Variants in RNF150 observed in about 807,000 individuals in gnomAD.
RNF150 encodes the protein ring finger protein 150.
In RNF150, 24 loss-of-function variants were observed where a neutral mutation model predicts 39.3. The ratio of observed to expected loss-of-function variants is 0.61; its 90% CI spans 0.44 to 0.86. The LOEUF (loss-of-function observed/expected upper bound fraction) is 0.86, where lower values mean the gene tolerates loss of function less well. Among genes scored for constraint, RNF150 ranks in the 40% least tolerant of loss-of-function variants. RNF150 has a pLI of 0.00. For missense variants in RNF150, 502 were observed against 587.8 expected, an observed-to-expected ratio of 0.85 and a Z score of 1.51; for synonymous variants, 255 against 227.3, an observed-to-expected ratio of 1.12 and a Z score of -1.10.
rs114868060 is a variant in RNF150, at chr4:140,938,565, C to T, written c.890+9089G>A. On this transcript the variant is annotated intron_variant, in intron 4 of 6. Coordinates refer to ENST00000515673, the MANE Select transcript of RNF150 (RefSeq NM_020724.2). ...TCTGTGGGACCTAACGAACAAACAA[C>T]CTTCCAAGGCCTGGCAGACTCAAGA... Among the ~76,000 whole-genome samples, 607 of 152,234 alleles carry T rather than the reference C, an allele frequency of 4.0e-3. 2 individuals carry two copies. The highest frequency in any genetic ancestry group is 0.014 in the African/African-American group (583 of 41,542).
At chr4:140,920,499 A>G (rs1240884484) in intron 5 of RNF150, among the ~76,000 whole-genome samples, 1 of 117,584 alleles carries the variant, frequency 8.5e-6, no homozygotes, top group African/African-American at 3.0e-5. Context: ...ACCATCTCAC[A>G]CCAGTTAGAA....
chr4:140,911,380 C>G lies in RNF150; in HGVS notation c.988-26G>C, dbSNP rs530792296. The G allele has an allele frequency of 6.3e-6, 10 of 1,593,286 alleles. No individual in the cohort carries two copies. The Admixed American group carries it at 1.7e-4, about 27-fold the overall frequency. On this transcript the variant is annotated intron_variant, in intron 5 of 6. Transcript: ENST00000515673. ...CTGATGGGGCAGAAAAAGATCTGTT[C>G]TCAGTACATGTCATCCACTTAGAGA...
intron 1 of RNF150, among the ~76,000 whole-genome samples, chr4:141,128,687 G>C (rs998414187): frequency 5.9e-5 from 9 of 151,900 alleles, no homozygotes; most frequent in African/African-American, 2.2e-4. Flanking sequence ...CCCTTAATAG[G>C]GGACATATAA....
At chr4:141,091,092 T>C (rs1019309572) in intron 1 of RNF150, among the ~76,000 whole-genome samples, 1 of 152,154 alleles carries the variant, frequency 6.6e-6, no homozygotes, top group Admixed American at 6.5e-5. Context: ...TAAAGGCGAT[T>C]GAGGTCTAGT....
At chr4:141,020,273 C>T (rs193281735) in intron 1 of RNF150, among the ~76,000 whole-genome samples, 1 of 152,176 alleles carries the variant, frequency 6.6e-6, no homozygotes, top group Admixed American at 6.6e-5. Context: ...TTCCTCTTCC[C>T]CAATAAGAGT....
At chr4:140,873,862 G>C (rs1305151043) in intron 6 of RNF150, among the ~76,000 whole-genome samples, 2 of 152,038 alleles carry the variant, frequency 1.3e-5, no homozygotes, top group African/African-American at 2.4e-5. Context: ...TTTTTGTAGA[G>C]ACAGGGTTTC....
intron 1 of RNF150, among the ~76,000 whole-genome samples, chr4:140,995,811 C>CT (rs555630698): frequency 2.0e-5 from 3 of 152,080 alleles, no homozygotes; most frequent in Admixed American, 6.6e-5. Flanking sequence ...AGGATATCAT[C>CT]TTTTTTTATG....
intron 1 of RNF150, among the ~76,000 whole-genome samples, chr4:141,020,513 C>T (rs893203536): frequency 6.6e-6 from 1 of 152,128 alleles, no homozygotes; most frequent in Admixed American, 6.5e-5. Context: ...CCCAGAGGCA[C>T]CTTCCTAAGT....
chr4:141,009,753 T>A (rs1338057449), intron 1 of RNF150, among the ~76,000 whole-genome samples: 2 of 152,234 alleles, frequency 1.3e-5, no homozygotes, highest in Admixed American at 1.3e-4. Flanking sequence ...TCTTTCCCTC[T>A]CTCCCTACCA....
intron 1 of RNF150, among the ~76,000 whole-genome samples, chr4:141,073,666 G>A (rs377434026): frequency 1.4e-3 from 208 of 151,326 alleles, no homozygotes; most frequent in African/African-American, 4.9e-3. Context: ...TCAAGCTCGG[G>A]GGGGGAAGTC....
At chr4:140,930,787 C>G (rs1731599420) in intron 4 of RNF150, among the ~76,000 whole-genome samples, 1 of 152,204 alleles carries the variant, frequency 6.6e-6, no homozygotes, top group African/African-American at 2.4e-5. Context: ...AAATATAGCA[C>G]TGGTTACGTC....
intron 1 of RNF150, among the ~76,000 whole-genome samples, chr4:141,156,979 C>A (rs1030845882): frequency 3.9e-5 from 6 of 152,106 alleles, no homozygotes; most frequent in African/African-American, 1.4e-4. Flanking sequence ...GCCTAGAGAG[C>A]AGCAACACCT....
At chr4:140,870,169 A>G (rs1728871353) in intron 6 of RNF150, among the ~76,000 whole-genome samples, 1 of 152,174 alleles carries the variant, frequency 6.6e-6, no homozygotes, top group Non-Finnish European at 1.5e-5. Context: ...GAAATGGGGT[A>G]TTTCACAGGG....
chr4:140,989,368 C>T (rs1235385226), intron 1 of RNF150, among the ~76,000 whole-genome samples: 1 of 152,082 alleles, frequency 6.6e-6, no homozygotes, highest in East Asian at 1.9e-4. Flanking sequence ...CAGATGTAGA[C>T]AGTGCTGTGA....
intron 6 of RNF150, among the ~76,000 whole-genome samples, chr4:140,904,009 G>A (rs1387630643): frequency 6.6e-6 from 1 of 152,196 alleles, no homozygotes; most frequent in Non-Finnish European, 1.5e-5. Flanking sequence ...GTTTTCAATG[G>A]AGGAGAAATG....
Position 141,132,573 on chromosome 4 carries a change from T to A in RNF150, c.236A>T (p.Glu79Val). ...GCGGGCGTCCTGCTTGGGCGAGTGC[T>A]CTCCGTAGCGCCCGCACTCCGTCTT... ...TEKTECGRYG[E>V]HSPKQDARGE... The change falls in exon 1 of 7, where the codon GAG (glutamate) becomes GTG (valine). Residue 79 changes from glutamate to valine, a missense_variant. Physicochemically the swap from Glu to Val is moderately radical, Grantham distance 121 (BLOSUM62 -2). Coordinates refer to ENST00000515673, the MANE Select transcript of RNF150 (RefSeq NM_020724.2). The surrounding 1 kb of genome is among the most constrained non-coding windows in gnomAD (Gnocchi z 4.9). 6.3e-7 allele frequency: 1 copy of A among 1,582,180 alleles called. No individual in the cohort carries two copies. The highest frequency in any genetic ancestry group is 8.6e-7 in the Non-Finnish European group (1 of 1,165,110).
At position 141,113,064 on chromosome 4, in the gene RNF150, T is replaced by C. The variant is rs1305922149; in HGVS notation, c.484+19261A>G. ...CTCACGAAGTTCTCGTGCTGTATTTTTCAGCTTCATCAAGTCATTTATGTT... is the reference window on the plus strand; with the variant it reads ...CTCACGAAGTTCTCGTGCTGTATTTCTCAGCTTCATCAAGTCATTTATGTT... On this transcript the variant is annotated intron_variant, in intron 1 of 6. Coordinates refer to ENST00000515673, the MANE Select transcript of RNF150 (RefSeq NM_020724.2). Among the ~76,000 whole-genome samples the C allele has an allele frequency of 2.0e-5, 3 of 152,138 alleles. No individual in the cohort carries two copies. The East Asian group carries it at 5.8e-4, about 29-fold the overall frequency.
intron 1 of RNF150, among the ~76,000 whole-genome samples, chr4:141,066,589 T>C (rs1468741595): frequency 6.6e-6 from 1 of 152,232 alleles, no homozygotes; most frequent in Non-Finnish European, 1.5e-5. Context: ...AGAGCTATAG[T>C]ACCTTAGTAA....
intron 1 of RNF150, among the ~76,000 whole-genome samples, chr4:141,045,786 C>T (rs776594014): frequency 5.3e-5 from 8 of 152,020 alleles, no homozygotes; most frequent in African/African-American, 7.2e-5. Context: ...TCAGGTGATC[C>T]GCCCACCTCA....
Sources: allele counts gnomAD v4.1 joint callset (sites outside exome capture counted in the v4.1 genomes callset), GRCh38; gene constraint gnomAD v4.1.1; non-coding constraint Gnocchi (gnomAD v3.1); transcripts MANE v1.5; gene names NCBI Gene and HGNC (gene_info 2026-07-23, HGNC 2026-07-21).